The following DNAJA2 variants were observed in gnomAD, a reference collection of about 807,000 sequenced individuals.
DNAJA2 encodes dnaJ homolog subfamily A member 2.
A neutral mutation model predicts 49.3 loss-of-function variants in DNAJA2; 6 were observed. The ratio of observed to expected loss-of-function variants is 0.12; its 90% CI spans 0.07 to 0.24. The LOEUF (loss-of-function observed/expected upper bound fraction) is 0.24, where lower values mean the gene tolerates loss of function less well. Among genes scored for constraint, DNAJA2 ranks in the 10% least tolerant of loss-of-function variants. The pLI is 1.00. For missense variants in DNAJA2, 347 were observed against 516.8 expected, an observed-to-expected ratio of 0.67 and a Z score of 3.19; for synonymous variants, 160 against 172.7, an observed-to-expected ratio of 0.93 and a Z score of 0.58.
chr16:46,961,670 A>G (rs979984011), intron 6 of DNAJA2, among the ~76,000 whole-genome samples: 2 of 152,140 alleles, frequency 1.3e-5, no homozygotes, highest in Non-Finnish European at 2.9e-5. Flanking sequence ...TCAATAAAAA[A>G]TGATTATGAT....
chr16:46,970,206 T>C (rs1454663085), intron 3 of DNAJA2, among the ~76,000 whole-genome samples: 1 of 152,184 alleles, frequency 6.6e-6, no homozygotes, highest in Admixed American at 6.5e-5. Context: ...TTTTGCAAAG[T>C]GAAACAGCTA....
At chr16:46,964,065 C>G (rs1032686032) in intron 6 of DNAJA2, among the ~76,000 whole-genome samples, 5 of 151,938 alleles carry the variant, frequency 3.3e-5, no homozygotes, top group African/African-American at 1.2e-4. Context: ...AAGCAAGACT[C>G]CGTCACACAC....
At chr16:46,957,947 T>A (rs924850131) in intron 8 of DNAJA2, among the ~76,000 whole-genome samples, 9 of 152,012 alleles carry the variant, frequency 5.9e-5, no homozygotes, top group African/African-American at 2.2e-4. Context: ...CTTGGCCCCA[T>A]CAACATTTAC....
chr16:46,964,751 T>C lies in DNAJA2; in HGVS notation c.634A>G (p.Lys212Glu), dbSNP rs750771069. ...CKKCEGKKVI[K>E]EVKILEVHVD... The stretch of plus-strand genomic sequence containing the variant: ...TGGACTTCAAGAATCTTGACTTCTT[T>C]AATCACCTTCTTCCCTTCACATTTT... Residue 212 changes from lysine to glutamate, a missense_variant, in exon 6 of 9, where the codon AAA becomes GAA. By Grantham distance (56) the Lys-to-Glu change is moderately conservative. Coordinates refer to ENST00000317089, the MANE Select transcript of DNAJA2 (RefSeq NM_005880.4). 1 of 1,614,162 alleles carries C rather than the reference T, an allele frequency of 6.2e-7. No individual in the cohort carries two copies. Among genetic ancestry groups the C allele is most frequent in the Non-Finnish European group, 8.5e-7 (1 of 1,180,016 alleles).
chr16:46,966,237 A>G (rs1961968360), intron 5 of DNAJA2, among the ~76,000 whole-genome samples: 1 of 152,196 alleles, frequency 6.6e-6, no homozygotes, highest in African/African-American at 2.4e-5. Context: ...TCCAAAAATA[A>G]TAATAATTTA....
intron 1 of DNAJA2, 70 bp downstream of exon 1, chr16:46,973,425 G>A (rs2143667730): frequency 1.4e-6 from 2 of 1,441,696 alleles, no homozygotes; most frequent in Non-Finnish European, 1.8e-6. Flanking sequence ...AGCGCGGCCT[G>A]GCTGAAGAAG....
chr16:46,957,215 T>C lies in DNAJA2; in HGVS notation c.1053A>G (p.Leu351=). ...NWINPDKLSE[L]EDLLPSRPEV... ...CCGGTCTAGATGGCAGAAGATCTTC[T>C]AGTTCCTTTATTAAAACAAACAAAA... Residue 351 remains leucine (L), a synonymous_variant, in exon 9 of 9, where the codon CTA becomes CTG. Transcript: ENST00000317089. 2 of 1,585,278 alleles carry C rather than the reference T, an allele frequency of 1.3e-6. No individual in the cohort carries two copies. Among genetic ancestry groups the C allele is most frequent in the Non-Finnish European group, 8.6e-7 (1 of 1,169,102 alleles).
chr16:46,962,430 T>C (rs1341703818), intron 6 of DNAJA2, among the ~76,000 whole-genome samples: 1 of 152,102 alleles, frequency 6.6e-6, no homozygotes, highest in South Asian at 2.1e-4. Context: ...TCACTTCCTA[T>C]CATGCTGCTG....
At position 46,956,749 on chromosome 16, in the gene DNAJA2, A is replaced by T. The variant is rs553849813; in HGVS notation, c.*280T>A. 507 of 304,136 alleles carry T rather than the reference A, an allele frequency of 1.7e-3. 3 individuals are homozygous for T. Among genetic ancestry groups the T allele is most frequent in the Non-Finnish European group, 2.5e-3 (413 of 164,136 alleles). The allele number at this position is 304,136 out of a possible 1,614,324, so 18.8% of individuals were successfully genotyped here. A position where few individuals can be genotyped will look rare whatever the true frequency, so the allele number is the denominator to read the frequency against. ...CAAAACTGATAAAAATCAAGCACAG[A>T]TACCAGGATTGAAACTTATAATAAT... On this transcript the variant is annotated 3_prime_UTR_variant, in exon 9 of 9. Transcript: ENST00000317089.
intron 8 of DNAJA2, 142 bp downstream of exon 8, chr16:46,958,861 T>C: frequency 1.2e-6 from 1 of 857,970 alleles, no homozygotes; most frequent in Non-Finnish European, 1.7e-6. Flanking sequence ...AGAGGATCGC[T>C]TCAGCCCAGG....
At chr16:46,966,089 T>C (rs147169547) in intron 5 of DNAJA2, among the ~76,000 whole-genome samples, 1,713 of 152,118 alleles carry the variant, frequency 0.011, 34 homozygotes, top group African/African-American at 0.039. Flanking sequence ...CTGGGCGTGG[T>C]GGCAAGCACC....
rs1403754510 is a variant in DNAJA2, at chr16:46,956,887, C to T, written c.*142G>A. Reference sequence around the variant, plus strand: ...GTTTAAATTATACACTCTGTAGATACTATACCAATTTTAAAAGTTATACAT... The same window carrying T: ...GTTTAAATTATACACTCTGTAGATATTATACCAATTTTAAAAGTTATACAT... On this transcript the variant is annotated 3_prime_UTR_variant, in exon 9 of 9. Transcript: ENST00000317089. The T allele has an allele frequency of 2.3e-6, 2 of 858,270 alleles. No individual in the cohort carries two copies. Among genetic ancestry groups the T allele is most frequent in the Non-Finnish European group, 3.8e-6 (2 of 528,826 alleles). The allele number at this position is 858,270 out of a possible 1,614,324, so 53.2% of individuals were successfully genotyped here.
At position 46,959,383 on chromosome 16, in the gene DNAJA2, A is replaced by T. The variant is rs771871433; in HGVS notation, c.811T>A (p.Tyr271Asn). Residue 271 changes from tyrosine to asparagine, a missense_variant, in exon 7 of 9, where the codon TAT becomes AAT. Transcript: ENST00000317089. ...QRDGNDLHMTYKIGLVEALCG... is the reference protein window; with the variant it reads ...QRDGNDLHMTNKIGLVEALCG... ...AGAGCTTCAACAAGTCCTATTTTAT[A>T]TGTCATGTGCAAATCATTCCCATCT... The T allele has an allele frequency of 1.2e-6, 2 of 1,613,716 alleles. No individual in the cohort carries two copies. The highest frequency in any genetic ancestry group is 4.5e-5 in the East Asian group (2 of 44,868).
intron 6 of DNAJA2, among the ~76,000 whole-genome samples, chr16:46,963,408 C>T (rs948031456): frequency 6.6e-6 from 1 of 151,996 alleles, no homozygotes; most frequent in Non-Finnish European, 1.5e-5. Flanking sequence ...GTGGCTCACA[C>T]CTGTAATCCC....
At chr16:46,961,337 G>A (rs533096788) in intron 6 of DNAJA2, among the ~76,000 whole-genome samples, 7 of 151,770 alleles carry the variant, frequency 4.6e-5, no homozygotes, top group African/African-American at 1.7e-4. Flanking sequence ...CAGAGATCGC[G>A]CCACTGCACT....
chr16:46,971,872 A>C, intron 2 of DNAJA2, 24 bp downstream of exon 2: 1 of 1,593,860 alleles, frequency 6.3e-7, no homozygotes, highest in Non-Finnish European at 8.6e-7. Flanking sequence ...AACCCCCGGA[A>C]TAAAAAAGGT....
intron 1 of DNAJA2, among the ~76,000 whole-genome samples, 181 bp downstream of exon 1, chr16:46,973,314 G>T (rs970287520): frequency 2.6e-5 from 4 of 150,968 alleles, no homozygotes; most frequent in Admixed American, 2.6e-4. Flanking sequence ...AAGGTCAGCC[G>T]AGGCCGGAGT....
rs61227358 is a variant in DNAJA2 at position 46,972,150 on chromosome 16, G to A, written c.79-195C>T. On this transcript the variant is annotated intron_variant, in intron 1 of 8. Coordinates refer to ENST00000317089, the MANE Select transcript of DNAJA2 (RefSeq NM_005880.4). Reference sequence around the variant, plus strand: ...ATGTAATATAACCAAGTAGACAGCAGCTATACTTGAAAACAGGTTACAGTG... The same window carrying A: ...ATGTAATATAACCAAGTAGACAGCAACTATACTTGAAAACAGGTTACAGTG... 953 of 552,640 alleles carry A rather than the reference G, an allele frequency of 1.7e-3. 8 individuals are homozygous for A. The highest frequency in any genetic ancestry group is 0.016 in the African/African-American group (863 of 52,518). The allele number at this position is 552,640 out of a possible 1,614,324, so 34.2% of individuals were successfully genotyped here. A position where few individuals can be genotyped will look rare whatever the true frequency, so the allele number is the denominator to read the frequency against.
chr16:46,959,309 C>G lies in DNAJA2; in HGVS notation c.885G>C (p.Val295=). The G allele has an allele frequency of 6.2e-7, 1 of 1,613,844 alleles. No individual in the cohort carries two copies. Among genetic ancestry groups the G allele is most frequent in the Non-Finnish European group, 8.5e-7 (1 of 1,179,954 alleles). ...TTACTTTGCCAGGGGGGTATTTCAC[C>G]ACAATCTGACGTCCATCAAGGTGCT... The part of the protein sequence containing the change: ...TFKHLDGRQI[V]VKYPPGKVIE... The change falls in exon 7 of 9, where the codon GTG becomes GTC. Residue 295 remains valine (V), a synonymous_variant. Transcript: ENST00000317089.
Sources: allele counts gnomAD v4.1 joint callset (sites outside exome capture counted in the v4.1 genomes callset), GRCh38; gene constraint gnomAD v4.1.1; transcripts MANE v1.5; gene names NCBI Gene and HGNC (gene_info 2026-07-23, HGNC 2026-07-21).